Variants in SLC12A9 observed in about 807,000 individuals in gnomAD.
SLC12A9 encodes the protein solute carrier family 12 member 9, also known as CCC-interacting protein 1.
A neutral mutation model predicts 66.0 loss-of-function variants in SLC12A9; 55 were observed. The ratio of observed to expected loss-of-function variants is 0.83; its 90% confidence interval spans 0.67 to 1.04. The LOEUF (loss-of-function observed/expected upper bound fraction) is 1.04. SLC12A9 is among the 50% of genes least tolerant of loss of function. The pLI is 0.00. For synonymous variants in SLC12A9, 577 were observed against 569.0 expected, an observed-to-expected ratio of 1.01 and a Z score of -0.20; for missense variants, 1,061 against 1,241.9, an observed-to-expected ratio of 0.85 and a Z score of 2.19.
chr7:100,859,122 A>C lies in SLC12A9; in HGVS notation c.938A>C (p.Tyr313Ser). 1 of 1,613,984 alleles carries C rather than the reference A, an allele frequency of 6.2e-7. No individual in the cohort carries two copies. Among genetic ancestry groups the C allele is most frequent in the African/African-American group, 1.3e-5 (1 of 74,998 alleles). ...IVAVAYTFFV[Y>S]VLLFFLSSFT... Reference sequence around the variant, plus strand: ...GCCGTCGCCTACACCTTCTTCGTCTATGTCCTGCTTTTCTTTCTCTCCAGC... The same window carrying C: ...GCCGTCGCCTACACCTTCTTCGTCTCTGTCCTGCTTTTCTTTCTCTCCAGC... The change falls in exon 7 of 14, where the codon TAT (tyrosine) becomes TCT (serine). Residue 313 changes from tyrosine (Y) to serine (S), a missense_variant. Tyr to Ser is a moderately radical substitution (Grantham distance 144). Coordinates refer to ENST00000354161, the MANE Select transcript of SLC12A9 (RefSeq NM_020246.4).
At chr7:100,860,442 TG>T in intron 9 of SLC12A9, 1 of 582,384 alleles carries the variant, frequency 1.7e-6, no homozygotes, top group South Asian at 2.2e-5. Context: ...ATTGGCACCC[TG>T]GGAGGTTCAC....
upstream of SLC12A9, among the ~76,000 whole-genome samples, chr7:100,851,511 C>T (rs138395732): frequency 4.5e-3 from 654 of 146,964 alleles, 2 homozygotes; most frequent in African/African-American, 0.015. Flanking sequence ...GCAACCTCTG[C>T]CTCCCAGGTT....
At chr7:100,860,081 T>A in intron 8 of SLC12A9, 39 bp downstream of exon 8, 1 of 1,614,162 alleles carries the variant, frequency 6.2e-7, no homozygotes, top group Non-Finnish European at 8.5e-7. Flanking sequence ...GAGCACGCCC[T>A]CCCTTGTCTG....
chr7:100,847,848 G>A (rs1240732782), upstream of SLC12A9, among the ~76,000 whole-genome samples: 2 of 152,022 alleles, frequency 1.3e-5, no homozygotes, highest in Non-Finnish European at 2.9e-5. Context: ...CACTGTGGGA[G>A]GCCAAGGTGG....
intron 1 of SLC12A9, among the ~76,000 whole-genome samples, chr7:100,845,989 G>A (rs1460414024): frequency 2.0e-5 from 3 of 152,172 alleles, no homozygotes; most frequent in Non-Finnish European, 4.4e-5. Flanking sequence ...ATTAGCTCTC[G>A]ACTACTTGCT....
At chr7:100,851,243 TA>T (rs745992507), upstream of SLC12A9, among the ~76,000 whole-genome samples, 1 of 152,048 alleles carries the variant, frequency 6.6e-6, no homozygotes, top group Non-Finnish European at 1.5e-5. Flanking sequence ...TTTTCTTTAA[TA>T]AGCGCAGTAG....
Position 100,862,893 on chromosome 7 carries a change from C to T in SLC12A9, c.1858+66C>T, listed in dbSNP as rs999803242. On this transcript the variant is annotated intron_variant, in intron 13 of 13. Coordinates refer to ENST00000354161, the MANE Select transcript of SLC12A9 (RefSeq NM_020246.4). ...GGCCACTTCAAATCTCCGCTCCCCT[C>T]CCCTAGAGAGTCAGCCACAGATTGC... The T allele has an allele frequency of 8.8e-6, 14 of 1,590,232 alleles. No individual in the cohort carries two copies. The East Asian group carries it at 2.7e-4, about 31-fold the overall frequency.
chr7:100,858,754 A>C, intron 5 of SLC12A9, 81 bp from the exon 6 acceptor site: 2 of 1,306,792 alleles, frequency 1.5e-6, no homozygotes, highest in Non-Finnish European at 2.2e-6. Flanking sequence ...GACCGTGGGA[A>C]TGTGTGGAGA....
chr7:100,849,085 C>A (rs1198471888), upstream of SLC12A9, among the ~76,000 whole-genome samples: 1 of 150,708 alleles, frequency 6.6e-6, no homozygotes, highest in African/African-American at 2.4e-5. Flanking sequence ...TACCACCAGG[C>A]CCAGCTAATT....
intron 1 of SLC12A9, chr7:100,827,066 T>C (rs1813425758): frequency 5.1e-6 from 8 of 1,558,356 alleles, no homozygotes; most frequent in Middle Eastern, 1.7e-4. Context: ...CGAACTGAGT[T>C]TGGGGGGCCC....
At chr7:100,846,307 C>A (rs139941763) in intron 1 of SLC12A9, among the ~76,000 whole-genome samples, 7,043 of 152,294 alleles carry the variant, frequency 0.046, 562 homozygotes, top group African/African-American at 0.16. Flanking sequence ...TGGCTCACGC[C>A]TGTAATCCCA....
chr7:100,826,899 C>G, exon 1 of SLC12A9: 1 of 1,490,262 alleles, frequency 6.7e-7, no homozygotes, highest in Non-Finnish European at 9.0e-7. Flanking sequence ...CAGAGGCCGG[C>G]CCCTCCACTC....
intron 13 of SLC12A9, among the ~76,000 whole-genome samples, chr7:100,863,924 G>A (rs1814917444): frequency 1.3e-5 from 2 of 152,206 alleles, no homozygotes; most frequent in South Asian, 2.1e-4. Flanking sequence ...TCACACCTGC[G>A]GAGATGTTTT....
chr7:100,827,049 T>A (rs1379830090), intron 1 of SLC12A9: 4 of 1,571,752 alleles, frequency 2.5e-6, no homozygotes, highest in Non-Finnish European at 3.5e-6. Context: ...CTCACTCGGG[T>A]AGGATCCGAA....
intron 1 of SLC12A9, among the ~76,000 whole-genome samples, chr7:100,828,753 C>T (rs1813482063): frequency 6.6e-6 from 1 of 151,974 alleles, no homozygotes; most frequent in Non-Finnish European, 1.5e-5. Flanking sequence ...CCTGGGGGCC[C>T]TCGGGATGGC....
chr7:100,856,864 C>T lies in SLC12A9; in HGVS notation c.449-4C>T, dbSNP rs376756646. On this transcript the variant is annotated splice_polypyrimidine_tract_variant and splice_region_variant and intron_variant, in intron 4 of 13. Coordinates refer to ENST00000354161, the MANE Select transcript of SLC12A9 (RefSeq NM_020246.4). The stretch of plus-strand genomic sequence containing the variant: ...CTTCTAACTCTGTCCCTACCTCTCT[C>T]CAGATGCCACAGGGCCCAGTGGGCT... 7 of 1,583,686 alleles carry T rather than the reference C, an allele frequency of 4.4e-6. No homozygotes were observed. The African/African-American group carries it at 5.4e-5, about 12-fold the overall frequency.
Position 100,854,700 on chromosome 7 carries a change from C to A in SLC12A9, c.262C>A (p.Leu88Ile), listed in dbSNP as rs368327144. ...CTACTTCATCCTGGCACTCACCGTC[C>A]TCTCTGTCTGTGCCATCGCCACCAA... ...VAYFILALTV[L>I]SVCAIATNGA... is the part of the protein sequence containing the mutation. Residue 88 changes from leucine (L) to isoleucine (I), a missense_variant, in exon 3 of 14, where the codon CTC becomes ATC. Physicochemically the swap from Leu to Ile is conservative, Grantham distance 5. Transcript: ENST00000354161. The A allele has an allele frequency of 5.8e-5, 94 of 1,613,940 alleles. No individual in the cohort carries two copies. Among genetic ancestry groups the A allele is most frequent in the Non-Finnish European group, 7.2e-5 (85 of 1,180,000 alleles).
intron 1 of SLC12A9, among the ~76,000 whole-genome samples, chr7:100,843,902 G>T (rs1813842326): frequency 6.6e-6 from 1 of 152,162 alleles, no homozygotes; most frequent in Admixed American, 6.6e-5. Flanking sequence ...TATCCTAGCA[G>T]GCCCAACCTC....
chr7:100,848,527 T>TAAATAAATAATA (rs369233222), upstream of SLC12A9, among the ~76,000 whole-genome samples: 1 of 126,390 alleles, frequency 7.9e-6, no homozygotes, highest in Non-Finnish European at 1.9e-5. Flanking sequence ...AATAAATAAA[T>TAAATAAATAATA]AATAAATAAA....
Sources: gnomAD v4.1 joint callset for allele counts (sites outside exome capture counted in the v4.1 genomes callset) on GRCh38, gnomAD v4.1.1 for gene constraint, MANE v1.5 for transcripts, NCBI Gene and HGNC (gene_info 2026-07-23, HGNC 2026-07-21) for gene names.